The following SEM1 variants were observed in gnomAD, a reference collection of about 807,000 sequenced individuals.
SEM1 encodes the protein 26S proteasome complex subunit SEM1.
In SEM1, 3 loss-of-function variants were observed where a neutral mutation model predicts 12.7. That is an observed-to-expected ratio of 0.24 (90% CI 0.11 to 0.61). The LOEUF (loss-of-function observed/expected upper bound fraction) is 0.61. SEM1 is among the 20% of genes least tolerant of loss of function. The pLI is 0.88. For synonymous variants in SEM1, 30 were observed against 27.8 expected (o/e 1.08, Z -0.25); for missense variants, 59 against 81.3 (o/e 0.73, Z 1.06).
At chr7:96,667,348 T>C (rs567415304) in intron 2 of SEM1, among the ~76,000 whole-genome samples, 2 of 152,176 alleles carry the variant, frequency 1.3e-5, no homozygotes, top group Non-Finnish European at 2.9e-5. Context: ...AGCCAACTAT[T>C]CCCTGGGTAA....
intron 2 of SEM1, among the ~76,000 whole-genome samples, chr7:96,681,318 A>G (rs1584858544): frequency 6.6e-6 from 1 of 152,060 alleles, no homozygotes; most frequent in African/African-American, 2.4e-5. Context: ...TTTTTTCTAG[A>G]ATAGATTATA....
intron 2 of SEM1, among the ~76,000 whole-genome samples, chr7:96,615,599 TA>T (rs1229566392): frequency 6.6e-6 from 1 of 152,202 alleles, no homozygotes; most frequent in Non-Finnish European, 1.5e-5. Flanking sequence ...ATTTTTTATT[TA>T]AATTTTTATG....
At chr7:96,666,750 A>C (rs1377398072) in intron 2 of SEM1, among the ~76,000 whole-genome samples, 2 of 150,486 alleles carry the variant, frequency 1.3e-5, no homozygotes, top group Non-Finnish European at 2.9e-5. Context: ...CCCTACTTCT[A>C]CCACTCTCTC....
intron 1 of SEM1, among the ~76,000 whole-genome samples, chr7:96,698,556 G>A (rs1790168722): frequency 6.6e-6 from 1 of 152,082 alleles, no homozygotes; most frequent in Admixed American, 6.6e-5. Flanking sequence ...GACAATGATG[G>A]TTTCCAGCTT....
chr7:96,616,478 T>A (rs553116345), intron 2 of SEM1, among the ~76,000 whole-genome samples: 1 of 152,190 alleles, frequency 6.6e-6, no homozygotes, highest in African/African-American at 2.4e-5. Flanking sequence ...TTGCAAATAC[T>A]TTTTCCCTAT....
At chr7:96,687,535 A>T (rs1789797920), downstream of SEM1, among the ~76,000 whole-genome samples, 1 of 152,028 alleles carries the variant, frequency 6.6e-6, no homozygotes, top group African/African-American at 2.4e-5. Context: ...TCGCAAGGAC[A>T]AAAAACCAAA....
At chr7:96,686,984 C>T (rs1392084414), downstream of SEM1, among the ~76,000 whole-genome samples, 1 of 152,158 alleles carries the variant, frequency 6.6e-6, no homozygotes. Flanking sequence ...AGGATATGAA[C>T]AGACACTTCT....
chr7:96,633,972 T>A (rs1416408710), intron 2 of SEM1, among the ~76,000 whole-genome samples: 5 of 152,164 alleles, frequency 3.3e-5, no homozygotes, highest in African/African-American at 1.2e-4. Context: ...CGAGTATTAA[T>A]TTTCCTATAT....
chr7:96,624,657 T>A (rs571095222), intron 2 of SEM1, among the ~76,000 whole-genome samples: 16 of 152,252 alleles, frequency 1.1e-4, no homozygotes, highest in Admixed American at 3.9e-4. Context: ...TTATGCTGAG[T>A]CTTTCAGGAT....
At chr7:96,695,518 G>A (rs1056600264) in intron 1 of SEM1, 1 of 151,786 alleles carries the variant, frequency 6.6e-6, no homozygotes, top group Non-Finnish European at 1.5e-5. Flanking sequence ...AAGTACGTAC[G>A]TATTACCACT....
chr7:96,519,334 A>G (rs1239662603), intron 2 of SEM1, among the ~76,000 whole-genome samples: 1 of 152,178 alleles, frequency 6.6e-6, no homozygotes, highest in Non-Finnish European at 1.5e-5. Flanking sequence ...GTGAACAATA[A>G]AAACCCAATT....
At chr7:96,541,443 GTTTTTTT>G (rs61049763) in intron 2 of SEM1, among the ~76,000 whole-genome samples, 4 of 102,394 alleles carry the variant, frequency 3.9e-5, no homozygotes, top group Non-Finnish European at 7.8e-5. Context: ...TTTTTTTTTT[GTTTTTTT>G]TTTTTTTTTG....
At chr7:96,621,435 A>G (rs1285991596), downstream of SEM1, among the ~76,000 whole-genome samples, 1 of 152,168 alleles carries the variant, frequency 6.6e-6, no homozygotes, top group East Asian at 1.9e-4. Flanking sequence ...AGATATAAAA[A>G]AGGATTGTAG....
At chr7:96,684,998 T>C (rs1789720848), downstream of SEM1, among the ~76,000 whole-genome samples, 1 of 152,066 alleles carries the variant, frequency 6.6e-6, no homozygotes, top group Non-Finnish European at 1.5e-5. Flanking sequence ...CCCAGCATCA[T>C]GTGTATGGGT....
At chr7:96,501,459 A>G (rs899240525) in intron 3 of SEM1, among the ~76,000 whole-genome samples, 20 of 152,024 alleles carry the variant, frequency 1.3e-4, no homozygotes, top group African/African-American at 3.9e-4. Flanking sequence ...AAAAAACCCA[A>G]TCTTTTTTGA....
intron 2 of SEM1, among the ~76,000 whole-genome samples, chr7:96,557,185 T>G (rs1805538602): frequency 1.3e-5 from 2 of 151,546 alleles, no homozygotes; most frequent in South Asian, 2.1e-4. Flanking sequence ...CCTTCTTCTC[T>G]CAGCTCGTCA....
At chr7:96,547,102 ACTGTATAGT>A (rs1805124773) in intron 2 of SEM1, among the ~76,000 whole-genome samples, 2 of 152,162 alleles carry the variant, frequency 1.3e-5, no homozygotes, top group African/African-American at 4.8e-5. Context: ...GACAGCAATT[ACTGTATAGT>A]TGAGAGGGAA....
intron 2 of SEM1, among the ~76,000 whole-genome samples, chr7:96,650,958 C>G (rs2116451347): frequency 6.6e-6 from 1 of 152,128 alleles, no homozygotes; most frequent in Non-Finnish European, 1.5e-5. Flanking sequence ...ATCTGTGCCT[C>G]TGGGTTACTA....
At chr7:96,691,218 C>T (rs1352617963) in intron 2 of SEM1, among the ~76,000 whole-genome samples, 2 of 152,078 alleles carry the variant, frequency 1.3e-5, no homozygotes, top group East Asian at 1.9e-4. Context: ...AACAAAGTGG[C>T]CTTATTCTTT....
Sources: allele counts gnomAD v4.1 joint callset (sites outside exome capture counted in the v4.1 genomes callset), GRCh38; gene constraint gnomAD v4.1.1; transcripts MANE v1.5; gene names NCBI Gene and HGNC (gene_info 2026-07-23, HGNC 2026-07-21).